Variants in SNX25 observed in about 807,000 individuals in gnomAD.
SNX25 encodes sorting nexin-25.
A neutral mutation model predicts 113.7 loss-of-function variants in SNX25; 62 were observed. The observed-to-expected ratio is 0.55, with a 90% CI of 0.44 to 0.67. The LOEUF (loss-of-function observed/expected upper bound fraction) is 0.67. SNX25 is among the 30% of genes least tolerant of loss of function. SNX25 has a pLI of 0.00. For synonymous variants in SNX25, 421 were observed against 436.2 expected, an observed-to-expected ratio of 0.97 and a Z score of 0.43; for missense variants, 1,014 against 1,161.0, an observed-to-expected ratio of 0.87 and a Z score of 1.84.
intron 9 of SNX25, among the ~76,000 whole-genome samples, chr4:185,327,636 C>A (rs1421338541): frequency 6.6e-6 from 1 of 152,100 alleles, no homozygotes; most frequent in Non-Finnish European, 1.5e-5. Flanking sequence ...TGTTTATTAA[C>A]TTGGTTTACA....
intron 18 of SNX25, 126 bp downstream of exon 18, chr4:185,362,837 C>CTTTTTTT (rs35348535): frequency 2.8e-5 from 7 of 248,936 alleles, no homozygotes; most frequent in South Asian, 1.1e-4. Context: ...TCTCCCTTGA[C>CTTTTTTT]TTTTTTTTTT....
chr4:185,264,534 G>A lies in SNX25; in HGVS notation c.828G>A (p.Val276=), dbSNP rs755535344. Residue 276 remains valine, a synonymous_variant, in exon 4 of 19, where the codon GTG becomes GTA. Coordinates refer to ENST00000652585, the MANE Select transcript of SNX25 (RefSeq NM_001378034.2). ...RFLQTCSRVL[V]FCLLPSKDVQ... ...TACAAACGTGTTCTCGGGTTCTGGT[G>A]TTTTGTCTCCTCCCCTCAAAGGATG... The A allele has an allele frequency of 6.2e-6, 10 of 1,613,934 alleles. No homozygotes were observed. The African/African-American group carries it at 1.1e-4, about 17-fold the overall frequency.
intron 1 of SNX25, among the ~76,000 whole-genome samples, chr4:185,218,845 C>A (rs911148357): frequency 6.6e-6 from 1 of 151,894 alleles, no homozygotes; most frequent in Non-Finnish European, 1.5e-5. Flanking sequence ...TAGTTCTCAC[C>A]CACCTGTATA....
intron 1 of SNX25, among the ~76,000 whole-genome samples, chr4:185,230,689 G>A (rs1345636978): frequency 6.6e-6 from 1 of 152,076 alleles, no homozygotes; most frequent in African/African-American, 2.4e-5. Context: ...GTGAGCCACT[G>A]CGCCTGGCCC....
chr4:185,361,910 T>G lies in SNX25; in HGVS notation c.2652-14T>G. On this transcript the variant is annotated splice_polypyrimidine_tract_variant and intron_variant, in intron 16 of 18. Transcript: ENST00000652585. ...TTTAAAAACCTCATCCAAGAAATCT[T>G]TTTCTCTTAAAAGACAAATCCGGGA... The G allele has an allele frequency of 6.2e-7, 1 of 1,611,162 alleles. No individual in the cohort carries two copies.
chr4:185,344,740 G>T (rs1371971860), intron 12 of SNX25, among the ~76,000 whole-genome samples: 1 of 152,180 alleles, frequency 6.6e-6, no homozygotes, highest in Admixed American at 6.5e-5. Flanking sequence ...TTCTATGAAT[G>T]AAATGTGTCT....
upstream of SNX25, among the ~76,000 whole-genome samples, chr4:185,205,908 A>G (rs1737168619): frequency 6.6e-6 from 1 of 152,220 alleles, no homozygotes; most frequent in Non-Finnish European, 1.5e-5. Flanking sequence ...AAATATACCA[A>G]TGGCCAATAA....
At chr4:185,219,474 G>A (rs112175200) in intron 1 of SNX25, among the ~76,000 whole-genome samples, 2 of 152,060 alleles carry the variant, frequency 1.3e-5, no homozygotes, top group Admixed American at 1.3e-4. Context: ...CAGGAGAATC[G>A]CTTGAACCCT....
chr4:185,310,543 A>G, intron 6 of SNX25, 92 bp from the exon 7 acceptor site: 1 of 1,121,060 alleles, frequency 8.9e-7, no homozygotes, highest in Non-Finnish European at 1.2e-6. Flanking sequence ...TTGGTTCAGA[A>G]TGCCCACAGC....
intron 6 of SNX25, among the ~76,000 whole-genome samples, chr4:185,294,791 ATAAT>A (rs1752628044): frequency 6.6e-6 from 1 of 152,200 alleles, no homozygotes; most frequent in African/African-American, 2.4e-5. Context: ...TCAATTTTAA[ATAAT>A]TAAGTTATAA....
downstream of SNX25, chr4:185,370,876 G>A (rs4862521): frequency 6.8e-3 from 10,521 of 1,538,640 alleles, 624 homozygotes; most frequent in Admixed American, 0.12. Flanking sequence ...TTTGTAAAAC[G>A]ATGCGCCTAG....
At chr4:185,293,032 T>C (rs577137629) in intron 6 of SNX25, among the ~76,000 whole-genome samples, 1 of 152,378 alleles carries the variant, frequency 6.6e-6, no homozygotes, top group African/African-American at 2.4e-5. Flanking sequence ...AAAAAGGTTG[T>C]ATCCATAACA....
intron 2 of SNX25, among the ~76,000 whole-genome samples, chr4:185,250,798 T>G (rs1371164344): frequency 6.6e-6 from 1 of 151,832 alleles, no homozygotes; most frequent in African/African-American, 2.4e-5. Flanking sequence ...CTGAGGAACA[T>G]CTGTAGTTTT....
Position 185,319,086 on chromosome 4 carries a change from ATTTTATTTTTTTTAT to A in SNX25, c.1345-1642_1345-1628del, listed in dbSNP as rs1466723490. Among the ~76,000 whole-genome samples, 17 of 63,908 alleles carry A rather than the reference ATTTTATTTTTTTTAT, an allele frequency of 2.7e-4. 1 individual carries two copies. Among genetic ancestry groups the A allele is most frequent in the African/African-American group, 1.1e-3 (13 of 11,712 alleles). 41.9% of individuals were successfully genotyped at this position (63,908 alleles called of 152,430 possible). On this transcript the variant is annotated intron_variant, in intron 7 of 18. Transcript: ENST00000652585. ...CCAGCCCACTTTTCCCCTTTATTTT[ATTTTATTTTTTTTAT>A]TTTTTTTTTTTTAAAGGACATATCA...
At chr4:185,294,795 T>G (rs1752628512) in intron 6 of SNX25, among the ~76,000 whole-genome samples, 1 of 152,132 alleles carries the variant, frequency 6.6e-6, no homozygotes. Flanking sequence ...TTTTAAATAA[T>G]TAAGTTATAA....
At chr4:185,241,163 G>A (rs558238030) in intron 1 of SNX25, among the ~76,000 whole-genome samples, 4,254 of 151,864 alleles carry the variant, frequency 0.028, 80 homozygotes, top group Middle Eastern at 0.068. Flanking sequence ...CCGAGATCAC[G>A]CCACTGCACT....
downstream of SNX25, chr4:185,374,199 C>T (rs752535266): frequency 3.7e-6 from 6 of 1,614,092 alleles, no homozygotes; most frequent in South Asian, 3.3e-5. Flanking sequence ...AGCCTTCACA[C>T]TAGCTTTGGG....
chr4:185,376,167 G>A, the SNX25 span, among the ~76,000 whole-genome samples: 1 of 152,124 alleles, frequency 6.6e-6, no homozygotes, highest in Non-Finnish European at 1.5e-5. Context: ...ACAAGATGTG[G>A]AGAAAGAGGG....
chr4:185,215,675 C>T (rs973257607), intron 1 of SNX25, among the ~76,000 whole-genome samples: 1 of 151,824 alleles, frequency 6.6e-6, no homozygotes, highest in Non-Finnish European at 1.5e-5. Context: ...TATTCTTTTG[C>T]GTTTTAACTG....
Sources: gnomAD v4.1 joint callset for allele counts (sites outside exome capture counted in the v4.1 genomes callset) on GRCh38, gnomAD v4.1.1 for gene constraint, MANE v1.5 for transcripts, NCBI Gene and HGNC (gene_info 2026-07-23, HGNC 2026-07-21) for gene names.